Variants in POMGNT1 observed in about 807,000 individuals in gnomAD.
POMGNT1 encodes the protein protein O-linked mannose N-acetylglucosaminyltransferase 1 (beta 1,2-), also known as protein O-linked-mannose beta-1,2-N-acetylglucosaminyltransferase 1.
In POMGNT1, 67 loss-of-function variants were observed where a neutral mutation model predicts 95.6. The ratio of observed to expected loss-of-function variants is 0.70; its 90% CI spans 0.58 to 0.86. POMGNT1 has a LOEUF of 0.86. POMGNT1 is among the 40% of genes least tolerant of loss of function. The pLI is 0.00. For missense variants in POMGNT1, 719 were observed against 855.2 expected, an observed-to-expected ratio of 0.84 and a Z score of 1.99; for synonymous variants, 298 against 317.9, an observed-to-expected ratio of 0.94 and a Z score of 0.66.
chr1:46,212,576 C>T (rs537894051), intron 1 of POMGNT1, among the ~76,000 whole-genome samples: 18 of 151,530 alleles, frequency 1.2e-4, no homozygotes, highest in African/African-American at 4.4e-4. Context: ...CCACTGCACC[C>T]GGCCAAATTT....
chr1:46,188,740 G>A lies in POMGNT1; in HGVS notation c.*530C>T, dbSNP rs1267842600. 1 of 1,609,334 alleles carries A rather than the reference G, an allele frequency of 6.2e-7. No individual in the cohort carries two copies. Among genetic ancestry groups the A allele is most frequent in the East Asian group, 2.2e-5 (1 of 44,762 alleles). ...CAACTTATCCAGCTTTGGAAATCTGGACAAAGAGAAGGCTGAGAGGAGGCC... is the reference window on the plus strand; with the variant it reads ...CAACTTATCCAGCTTTGGAAATCTGAACAAAGAGAAGGCTGAGAGGAGGCC... On this transcript the variant is annotated 3_prime_UTR_variant, in exon 22 of 22. Transcript: ENST00000371984.
At chr1:46,209,537 CTTTTTTT>C (rs55948355) in intron 1 of POMGNT1, among the ~76,000 whole-genome samples, 1 of 139,822 alleles carries the variant, frequency 7.2e-6, no homozygotes, top group Non-Finnish European at 1.5e-5. Context: ...TTGTTGTTTT[CTTTTTTT>C]TTTTCTTTTT....
intron 19 of POMGNT1, 125 bp from the exon 20 acceptor site, chr1:46,190,114 T>C: frequency 8.5e-7 from 1 of 1,176,714 alleles, no homozygotes; most frequent in Non-Finnish European, 1.2e-6. Flanking sequence ...TTTTTTTTTT[T>C]TTGAGATGGA....
chr1:46,195,873 C>T lies in POMGNT1; in HGVS notation c.472G>A (p.Glu158Lys), dbSNP rs1351449121. The T allele has an allele frequency of 6.2e-7, 1 of 1,613,330 alleles. No individual in the cohort carries two copies. Among genetic ancestry groups the T allele is most frequent in the Non-Finnish European group, 8.5e-7 (1 of 1,179,654 alleles). The change falls in exon 6 of 22, where the codon GAG becomes AAG. Residue 158 changes from glutamate (E) to lysine (K), a missense_variant. Glu to Lys is a moderately conservative substitution (Grantham distance 56, BLOSUM62 1). This residue lies in a region of POMGNT1 where 466 missense variants were observed against 517.4 expected (regional missense o/e 0.90). Transcript: ENST00000371984. ...VFDTYSPHED[E>K]AMVLFLNMVA... The stretch of plus-strand genomic sequence containing the variant: ...ATGTTGAGGAATAGCACCATGGCCT[C>T]ATCCTCATGAGGTGAGTACGTGTCA...
At chr1:46,205,690 C>T (rs893141210) in intron 1 of POMGNT1, among the ~76,000 whole-genome samples, 3 of 152,050 alleles carry the variant, frequency 2.0e-5, no homozygotes, top group Non-Finnish European at 2.9e-5. Context: ...TGAGGCTGCC[C>T]GAGAAAGGGC....
chr1:46,193,000 C>T, intron 13 of POMGNT1, 42 bp from the exon 14 acceptor site: 1 of 1,611,966 alleles, frequency 6.2e-7, no homozygotes, highest in Non-Finnish European at 8.5e-7. Flanking sequence ...AGGGGTCTCT[C>T]CATCCTGTGA....
upstream of POMGNT1, among the ~76,000 whole-genome samples, chr1:46,200,708 T>G (rs540498341): frequency 1.2e-4 from 19 of 152,376 alleles, no homozygotes; most frequent in Non-Finnish European, 1.8e-4. Flanking sequence ...TCCATTCTAG[T>G]CTAATTCTTC....
At chr1:46,195,738 G>A (rs1209059874) in intron 6 of POMGNT1, 73 bp downstream of exon 6, 2 of 1,319,740 alleles carry the variant, frequency 1.5e-6, no homozygotes, top group East Asian at 5.0e-5. Flanking sequence ...TTATATGAGG[G>A]GCAGAGAAGC....
At chr1:46,197,985 G>A (rs1658375271) in intron 1 of POMGNT1, 114 bp from the exon 2 acceptor site, 2 of 1,033,752 alleles carry the variant, frequency 1.9e-6, no homozygotes, top group South Asian at 1.6e-5. Context: ...CCCATACTGT[G>A]TGACATGGGG....
intron 9 of POMGNT1, 141 bp downstream of exon 9, chr1:46,194,133 T>C (rs1571661004): frequency 6.4e-7 from 1 of 1,551,606 alleles, no homozygotes; most frequent in Non-Finnish European, 8.7e-7. Flanking sequence ...ACCCCAGCCC[T>C]GTCTTTCAGA....
At position 46,193,939 on chromosome 1, in the gene POMGNT1, A is replaced by C. The variant is rs1265012777; in HGVS notation, c.880-14T>G. On this transcript the variant is annotated splice_polypyrimidine_tract_variant and intron_variant, in intron 9 of 21. Coordinates refer to ENST00000371984, the MANE Select transcript of POMGNT1 (RefSeq NM_017739.4). ...GTTGTCTGGGAGCTGTGGGAGAAAT[A>C]GCGTTTAGCTCTTGCCTTATTCCCC... 2 of 1,613,848 alleles carry C rather than the reference A, an allele frequency of 1.2e-6. No individual in the cohort carries two copies. Among genetic ancestry groups the C allele is most frequent in the Non-Finnish European group, 1.7e-6 (2 of 1,179,956 alleles).
At chr1:46,214,642 G>A (rs1659008085) in intron 1 of POMGNT1, among the ~76,000 whole-genome samples, 1 of 152,034 alleles carries the variant, frequency 6.6e-6, no homozygotes, top group South Asian at 2.1e-4. Context: ...CAAGGCAGTG[G>A]ATCACCTGAG....
intron 2 of POMGNT1, 75 bp from the exon 3 acceptor site, chr1:46,197,159 C>T: frequency 1.2e-6 from 2 of 1,610,750 alleles, no homozygotes; most frequent in Non-Finnish European, 1.7e-6. Flanking sequence ...AAGGAGGGCC[C>T]TGGCTGCAGT....
intron 1 of POMGNT1, among the ~76,000 whole-genome samples, chr1:46,205,276 G>A (rs1658675674): frequency 6.6e-6 from 1 of 151,796 alleles, no homozygotes; most frequent in Non-Finnish European, 1.5e-5. Flanking sequence ...AAAAAAGAAG[G>A]GGAAGAAGGG....
Position 46,205,994 on chromosome 1 carries a change from C to A in POMGNT1, c.-50-8123G>T, listed in dbSNP as rs1445261770. Reference sequence around the variant, plus strand: ...CAAGGTCAGTCCTGCCTCTAGGCCTCGTCCCTCCTGCTTTCTTCCTCTACC... The same window carrying A: ...CAAGGTCAGTCCTGCCTCTAGGCCTAGTCCCTCCTGCTTTCTTCCTCTACC... On this transcript the variant is annotated intron_variant, in intron 1 of 22. Coordinates refer to the POMGNT1 transcript ENST00000371992. 2.0e-5 allele frequency among the ~76,000 whole-genome samples: 3 copies of A among 152,310 alleles called. No homozygotes were observed. The East Asian group carries it at 5.8e-4, about 29-fold the overall frequency.
rs111255088 is a variant in POMGNT1 at position 46,192,605 on chromosome 1, G to C, written c.1212-15C>G. On this transcript the variant is annotated splice_polypyrimidine_tract_variant and intron_variant, in intron 14 of 21. Transcript: ENST00000371984. ...GGCTCAGGAAACTGAGAGAGGCAGG[G>C]TCAAAGAGTTCAGGGAGGGACAAGG... is the stretch of plus-strand genomic sequence containing the variant. 2.5e-6 allele frequency: 4 copies of C among 1,613,646 alleles called. No individual in the cohort carries two copies. Among genetic ancestry groups the C allele is most frequent in the Non-Finnish European group, 1.7e-6 (2 of 1,179,892 alleles).
chr1:46,190,873 A>C, intron 17 of POMGNT1, 89 bp from the exon 18 acceptor site: 1 of 1,251,882 alleles, frequency 8.0e-7, no homozygotes, highest in Non-Finnish European at 1.2e-6. Context: ...TAAGACACAC[A>C]AATGAAGTCC....
intron 19 of POMGNT1, 117 bp downstream of exon 19, chr1:46,190,356 T>G: frequency 2.2e-6 from 3 of 1,345,338 alleles, no homozygotes; most frequent in Non-Finnish European, 3.2e-6. Flanking sequence ...AAGTTCCTAA[T>G]GTTTGAGATG....
chr1:46,193,485 G>A lies in POMGNT1; in HGVS notation c.1026+79C>T, dbSNP rs1012531888. On this transcript the variant is annotated intron_variant, in intron 11 of 21. Coordinates refer to ENST00000371984, the MANE Select transcript of POMGNT1 (RefSeq NM_017739.4). Reference sequence around the variant, plus strand: ...CACATTTCACAGCCCTTGCCTGGGCGGTCTCCCTTGCCCGTCCCTGGCAAT... The same window carrying A: ...CACATTTCACAGCCCTTGCCTGGGCAGTCTCCCTTGCCCGTCCCTGGCAAT... The A allele has an allele frequency of 1.1e-5, 17 of 1,611,922 alleles. No homozygotes were observed. The Admixed American group carries it at 2.0e-4, about 19-fold the overall frequency.
Sources: gnomAD v4.1 joint callset for allele counts (sites outside exome capture counted in the v4.1 genomes callset) on GRCh38, gnomAD v4.1.1 for gene constraint, gnomAD v4.1.1 regional missense constraint, MANE v1.5 for transcripts, NCBI Gene and HGNC (gene_info 2026-07-23, HGNC 2026-07-21) for gene names.